Variants in LGI2 observed in about 807,000 individuals in gnomAD.
LGI2 encodes leucine-rich repeat LGI family member 2.
In LGI2, 30 loss-of-function variants were observed where a neutral mutation model predicts 52.0. That is an observed-to-expected ratio of 0.58 (90% confidence interval 0.43 to 0.78). The LOEUF (loss-of-function observed/expected upper bound fraction) is 0.78. LGI2 is among the 30% of genes least tolerant of loss of function. The pLI is 0.00. For synonymous variants in LGI2, 270 were observed against 271.8 expected, an observed-to-expected ratio of 0.99 and a Z score of 0.06; for missense variants, 573 against 692.5, an observed-to-expected ratio of 0.83 and a Z score of 1.94.
At position 25,003,275 on chromosome 4, in the gene LGI2, CAATAA is replaced by C. The variant is rs1725299905; in HGVS notation, c.*171_*175del. ...AGAATGGGCATGTCATGCAGTTAGC[CAATAA>C]ATGCAATCCCTGATTAAAATGTGAG... On this transcript the variant is annotated 3_prime_UTR_variant, in exon 8 of 8. Coordinates refer to ENST00000382114, the MANE Select transcript of LGI2 (RefSeq NM_018176.4). 3.7e-6 allele frequency: 2 copies of C among 536,214 alleles called. No homozygotes were observed. The highest frequency in any genetic ancestry group is 3.2e-6 in the Non-Finnish European group (1 of 309,514). The allele number at this position is 536,214 out of a possible 1,614,324, so 33.2% of individuals were successfully genotyped here. A position where few individuals can be genotyped will look rare whatever the true frequency, so the allele number is the denominator to read the frequency against.
At chr4:25,027,557 C>G (rs146301024) in intron 2 of LGI2, among the ~76,000 whole-genome samples, 1 of 152,032 alleles carries the variant, frequency 6.6e-6, no homozygotes, top group African/African-American at 2.4e-5. Flanking sequence ...TTCTAAGAGG[C>G]CTCAGATTTT....
Position 25,030,492 on chromosome 4 carries a change from C to G in LGI2, c.197+5G>C, listed in dbSNP as rs1726301834. On this transcript the variant is annotated splice_donor_5th_base_variant and intron_variant, in intron 1 of 7. Transcript: ENST00000382114. ...CGGGATGGGGGCTGGAGGGGTCCCA[C>G]TCACAGGGAGCTGATGTCGCCCGGC... The G allele has an allele frequency of 6.3e-7, 1 of 1,581,272 alleles. No homozygotes were observed. The highest frequency in any genetic ancestry group is 8.6e-7 in the Non-Finnish European group (1 of 1,165,336).
rs1197547219 is a variant in LGI2 at position 25,003,776 on chromosome 4, C to T, written c.1313G>A (p.Arg438His). The T allele has an allele frequency of 5.0e-6, 8 of 1,614,106 alleles. No homozygotes were observed. Among genetic ancestry groups the T allele is most frequent in the Non-Finnish European group, 5.9e-6 (7 of 1,180,044 alleles). ...MQNTLYLSLT[R>H]FIGDSRVMRW... ...CATGACCCGGGAGTCCCCGATGAAG[C>T]GGGTAAGGGAAAGGTAGAGGGTATT... is the stretch of plus-strand genomic sequence containing the variant. Residue 438 changes from arginine to histidine, a missense_variant, in exon 8 of 8, where the codon CGC becomes CAC. Arg to His is a conservative substitution (Grantham distance 29). Transcript: ENST00000382114.
At chr4:25,027,111 G>A (rs1726176864) in intron 2 of LGI2, among the ~76,000 whole-genome samples, 172 bp from the exon 3 acceptor site, 1 of 152,156 alleles carries the variant, frequency 6.6e-6, no homozygotes, top group South Asian at 2.1e-4. Context: ...TGCTCTTAGA[G>A]ACGATGGCAA....
rs3796786 is a variant in LGI2, at chr4:25,003,135, G to T, written c.*316C>A. On this transcript the variant is annotated 3_prime_UTR_variant, in exon 8 of 8. Coordinates refer to ENST00000382114, the MANE Select transcript of LGI2 (RefSeq NM_018176.4). ...AAGTGCTGTCCCATCTTATCCAATT[G>T]TCTTCTTCCTCATCAAAAAGCGGGG... The T allele has an allele frequency of 0.067, 14,101 of 211,290 alleles. 720 individuals are homozygous for T. The highest frequency in any genetic ancestry group is 0.15 in the African/African-American group (6,353 of 43,510). 13.1% of individuals were successfully genotyped at this position (211,290 alleles called of 1,614,324 possible). A position where few individuals can be genotyped will look rare whatever the true frequency, so the allele number is the denominator to read the frequency against.
chr4:25,025,991 G>T (rs1389628986), intron 3 of LGI2, among the ~76,000 whole-genome samples: 1 of 152,092 alleles, frequency 6.6e-6, no homozygotes, highest in Non-Finnish European at 1.5e-5. Flanking sequence ...CTATGTATAT[G>T]ATAATATCAG....
intron 1 of LGI2, among the ~76,000 whole-genome samples, chr4:25,029,857 T>A (rs1269864785): frequency 6.6e-6 from 1 of 152,224 alleles, no homozygotes; most frequent in African/African-American, 2.4e-5. Context: ...CCCAGCCTTC[T>A]GTTACCCCTC....
At chr4:25,016,382 G>A (rs1725759041) in intron 6 of LGI2, among the ~76,000 whole-genome samples, 1 of 152,212 alleles carries the variant, frequency 6.6e-6, no homozygotes, top group South Asian at 2.1e-4. Context: ...AAGTCTCAGT[G>A]AGCTTTAGTT....
chr4:25,007,732 G>C (rs892771900), intron 7 of LGI2, among the ~76,000 whole-genome samples: 1 of 152,126 alleles, frequency 6.6e-6, no homozygotes, highest in Non-Finnish European at 1.5e-5. Flanking sequence ...AGAGAACAAG[G>C]GGAAGTGAAC....
At chr4:24,998,596 G>A (rs540002807), downstream of LGI2, among the ~76,000 whole-genome samples, 144 of 152,254 alleles carry the variant, frequency 9.5e-4, 1 homozygote, top group Admixed American at 2.4e-3. Flanking sequence ...TTGTCAATCT[G>A]TCAGGATTAT....
chr4:25,028,714 G>C (rs1280945466), intron 1 of LGI2, 136 bp from the exon 2 acceptor site: 2 of 695,966 alleles, frequency 2.9e-6, no homozygotes, highest in Admixed American at 2.3e-5. Flanking sequence ...AGTTGCCCAG[G>C]ATCTTCCCCG....
intron 7 of LGI2, among the ~76,000 whole-genome samples, chr4:25,008,099 C>G (rs1246881870): frequency 1.3e-5 from 2 of 152,216 alleles, no homozygotes; most frequent in Admixed American, 6.5e-5. Context: ...AAGTGATCCC[C>G]CTTCCTTCTG....
At position 25,030,731 on chromosome 4, in the gene LGI2, C is replaced by G; in HGVS notation, c.-38G>C. 1.8e-6 allele frequency: 2 copies of G among 1,130,202 alleles called. No homozygotes were observed. Among genetic ancestry groups the G allele is most frequent in the Non-Finnish European group, 2.2e-6 (2 of 919,312 alleles). The allele number at this position is 1,130,202 out of a possible 1,614,324, so 70.0% of individuals were successfully genotyped here. On this transcript the variant is annotated 5_prime_UTR_variant, in exon 1 of 8. Transcript: ENST00000382114. ...CTCCCCGCCCGGGCCCCGACCCCCACCGCCGCGCCGCGCGCTCGGACCCGG... is the reference window on the plus strand; with the variant it reads ...CTCCCCGCCCGGGCCCCGACCCCCAGCGCCGCGCCGCGCGCTCGGACCCGG...
At position 25,003,587 on chromosome 4, in the gene LGI2, T is replaced by C; in HGVS notation, c.1502A>G (p.Lys501Arg). ...CGCCTGCACGTAAATCTCCTTAAAC[T>C]TTTTGAATAGCTGCTTCTCTTTATC... is the stretch of plus-strand genomic sequence containing the variant. ...QWDKEKQLFK[K>R]FKEIYVQAPR... Residue 501 changes from lysine (K) to arginine (R), a missense_variant, in exon 8 of 8, where the codon AAG becomes AGG. Lys to Arg is a conservative substitution (Grantham distance 26). Coordinates refer to ENST00000382114, the MANE Select transcript of LGI2 (RefSeq NM_018176.4). The C allele has an allele frequency of 6.2e-7, 1 of 1,614,186 alleles. No homozygotes were observed. The highest frequency in any genetic ancestry group is 8.5e-7 in the Non-Finnish European group (1 of 1,180,020).
chr4:25,022,374 G>C (rs773201770), intron 4 of LGI2, among the ~76,000 whole-genome samples: 10 of 152,166 alleles, frequency 6.6e-5, no homozygotes, highest in Non-Finnish European at 1.2e-4. Context: ...GGGATGGGGT[G>C]GGGGAGCGCC....
rs190751592 is a variant in LGI2, at chr4:25,025,617, T to C, written c.342-726A>G. On this transcript the variant is annotated intron_variant, in intron 3 of 7. Transcript: ENST00000382114. Reference sequence around the variant, plus strand: ...TGGGAAATAATTGATGTGAATTCACTACGACTATTCTCTAGGCTCAGGGAG... The same window carrying C: ...TGGGAAATAATTGATGTGAATTCACCACGACTATTCTCTAGGCTCAGGGAG... Among the ~76,000 whole-genome samples, 153 of 152,348 alleles carry C rather than the reference T, an allele frequency of 1.0e-3. 1 individual carries two copies. The Middle Eastern group carries it at 0.02, about 20-fold the overall frequency.
intron 7 of LGI2, among the ~76,000 whole-genome samples, chr4:25,009,328 C>G (rs1445323967): frequency 6.6e-6 from 1 of 152,170 alleles, no homozygotes; most frequent in African/African-American, 2.4e-5. Context: ...CTTGCTGCTC[C>G]CTTTGCCTGG....
chr4:25,019,537 C>T (rs1051465482), intron 4 of LGI2, among the ~76,000 whole-genome samples: 1 of 152,118 alleles, frequency 6.6e-6, no homozygotes, highest in Non-Finnish European at 1.5e-5. Context: ...ATGCAAGACC[C>T]TTTATTGCCT....
rs968809266 is a variant in LGI2 at position 24,998,882 on chromosome 4, G to A, written c.*4569C>T. The A allele has an allele frequency of 7.2e-5, 11 of 152,244 alleles. No homozygotes were observed. The highest frequency in any genetic ancestry group is 2.4e-4 in the African/African-American group (10 of 41,536). 9.4% of individuals were successfully genotyped at this position (152,244 alleles called of 1,614,324 possible). A position where few individuals can be genotyped will look rare whatever the true frequency, so the allele number is the denominator to read the frequency against. ...ACCACTTTTTATTCATAGGCTTACC[G>A]AATATATTGAATTAAGAGGCATATA... On this transcript the variant is annotated 3_prime_UTR_variant, in exon 8 of 8. Transcript: ENST00000382114.
Sources: allele counts gnomAD v4.1 joint callset (sites outside exome capture counted in the v4.1 genomes callset), GRCh38; gene constraint gnomAD v4.1.1; transcripts MANE v1.5; gene names NCBI Gene and HGNC (gene_info 2026-07-23, HGNC 2026-07-21).